Variants in GRID2 observed in about 807,000 individuals in gnomAD.
GRID2 encodes glutamate ionotropic receptor delta type subunit 2.
A neutral mutation model predicts 114.8 loss-of-function variants in GRID2; 33 were observed. That is an observed-to-expected ratio of 0.29 (90% CI 0.22 to 0.38). The LOEUF is 0.38. Ranked by LOEUF, GRID2 falls within the 10% of genes least tolerant of loss-of-function variation. The probability of loss-of-function intolerance (pLI) is 1.00; values close to 1 mark genes in which losing one functional copy is unlikely to be tolerated. For synonymous variants in GRID2, 505 were observed against 449.9 expected, an observed-to-expected ratio of 1.12 and a Z score of -1.55; for missense variants, 1,184 against 1,257.7, an observed-to-expected ratio of 0.94 and a Z score of 0.89.
At chr4:92,641,294 A>G (rs200081798) in intron 2 of GRID2, among the ~76,000 whole-genome samples, 1 of 80,850 alleles carries the variant, frequency 1.2e-5, no homozygotes, top group Non-Finnish European at 2.7e-5. Flanking sequence ...TTGTTACTTT[A>G]TTAAATTTAA....
intron 8 of GRID2, among the ~76,000 whole-genome samples, chr4:93,259,832 A>C (rs573358453): frequency 1.3e-5 from 2 of 151,894 alleles, no homozygotes; most frequent in African/African-American, 4.8e-5. Context: ...GAAGATGGCT[A>C]TACTTAATAT....
chr4:93,698,488 G>C (rs758332254), intron 14 of GRID2, among the ~76,000 whole-genome samples: 1 of 151,968 alleles, frequency 6.6e-6, no homozygotes, highest in Non-Finnish European at 1.5e-5. Context: ...ATTTCTATTC[G>C]TGAGAGTAGA....
At chr4:92,890,231 T>C (rs984450319) in intron 2 of GRID2, among the ~76,000 whole-genome samples, 2 of 152,040 alleles carry the variant, frequency 1.3e-5, no homozygotes, top group African/African-American at 4.8e-5. Context: ...CAAAAACATC[T>C]GAAGCAGTTG....
intron 1 of GRID2, among the ~76,000 whole-genome samples, chr4:92,537,725 T>C (rs995142333): frequency 1.3e-5 from 2 of 151,834 alleles, no homozygotes; most frequent in African/African-American, 4.8e-5. Context: ...TATTGCCCTT[T>C]TCAAAGACAT....
At chr4:92,483,249 A>C (rs1722703719) in intron 1 of GRID2, among the ~76,000 whole-genome samples, 1 of 152,090 alleles carries the variant, frequency 6.6e-6, no homozygotes, top group East Asian at 1.9e-4. Context: ...GAGGCAAGAG[A>C]ATCGCTTGAA....
chr4:93,632,419 T>C (rs1262405564), intron 14 of GRID2, among the ~76,000 whole-genome samples: 1 of 152,250 alleles, frequency 6.6e-6, no homozygotes, highest in Non-Finnish European at 1.5e-5. Context: ...GGATCCAGTT[T>C]CAGCTTTTTC....
rs534335329 is a variant in GRID2 at position 93,534,086 on chromosome 4, T to C, written c.2193+18675T>C. On this transcript the variant is annotated intron_variant, in intron 13 of 15. Coordinates refer to ENST00000282020, the MANE Select transcript of GRID2 (RefSeq NM_001510.4). ...CCTATCTTTCCTTCCCCTAGGTAGCTTCGTGACCTACTTTCTCACCATATT... is the reference window on the plus strand; with the variant it reads ...CCTATCTTTCCTTCCCCTAGGTAGCCTCGTGACCTACTTTCTCACCATATT... Among the ~76,000 whole-genome samples, 163 of 152,202 alleles carry C rather than the reference T, an allele frequency of 1.1e-3. 2 individuals are homozygous for C. In the South Asian group the frequency reaches 0.017, roughly 16 times the overall value.
At chr4:93,633,403 C>T (rs1721120137) in intron 14 of GRID2, among the ~76,000 whole-genome samples, 2 of 151,862 alleles carry the variant, frequency 1.3e-5, no homozygotes, top group African/African-American at 2.4e-5. Context: ...TACACTTTAC[C>T]TCTTGTTTCC....
At chr4:92,873,108 A>T (rs1343886390) in intron 2 of GRID2, among the ~76,000 whole-genome samples, 1 of 152,198 alleles carries the variant, frequency 6.6e-6, no homozygotes, top group Admixed American at 6.5e-5. Flanking sequence ...CAAATTTCAT[A>T]AAATGAAAAT....
chr4:92,991,922 T>C (rs1311405479), intron 2 of GRID2, among the ~76,000 whole-genome samples: 1 of 152,214 alleles, frequency 6.6e-6, no homozygotes, highest in Non-Finnish European at 1.5e-5. Flanking sequence ...TGAAGTTTTT[T>C]TAAATACAAA....
intron 2 of GRID2, among the ~76,000 whole-genome samples, chr4:92,856,958 T>G (rs1010725054): frequency 6.6e-6 from 1 of 152,190 alleles, no homozygotes; most frequent in Non-Finnish European, 1.5e-5. Flanking sequence ...TTGGTAGTTC[T>G]CAGAATATTT....
chr4:93,409,726 G>T (rs1766917951), intron 9 of GRID2, among the ~76,000 whole-genome samples: 2 of 152,180 alleles, frequency 1.3e-5, no homozygotes, highest in Admixed American at 1.3e-4. Context: ...TACTGATGGA[G>T]GCAGTCTAAA....
At chr4:92,536,078 T>C (rs1275028812) in intron 1 of GRID2, among the ~76,000 whole-genome samples, 1 of 152,144 alleles carries the variant, frequency 6.6e-6, no homozygotes, top group Non-Finnish European at 1.5e-5. Context: ...GAACAAAGCC[T>C]CCACAGCAAG....
chr4:93,427,328 A>G (rs1423752401), intron 10 of GRID2, among the ~76,000 whole-genome samples: 1 of 152,032 alleles, frequency 6.6e-6, no homozygotes, highest in African/African-American at 2.4e-5. Context: ...CCAGAAAAGC[A>G]AGCTTATTAT....
At chr4:92,880,475 G>A (rs1056767191) in intron 2 of GRID2, among the ~76,000 whole-genome samples, 5 of 151,856 alleles carry the variant, frequency 3.3e-5, no homozygotes, top group Non-Finnish European at 7.4e-5. Flanking sequence ...TGTCACAAAG[G>A]AAAAATAATG....
intron 2 of GRID2, among the ~76,000 whole-genome samples, chr4:92,816,318 C>CAAAAAAAAAAA (rs764487348): frequency 4.1e-5 from 2 of 48,252 alleles, no homozygotes; most frequent in East Asian, 7.2e-4. Context: ...TCTGTCTCAC[C>CAAAAAAAAAAA]AAAAAAAAAA....
chr4:93,090,142 T>C (rs1356543358), intron 3 of GRID2, among the ~76,000 whole-genome samples: 1 of 152,180 alleles, frequency 6.6e-6, no homozygotes, highest in Non-Finnish European at 1.5e-5. Context: ...CTAGTTAATC[T>C]GAATGGTGGG....
At chr4:92,524,592 C>A (rs111781182) in intron 1 of GRID2, among the ~76,000 whole-genome samples, 1,631 of 151,646 alleles carry the variant, frequency 0.011, 25 homozygotes, top group African/African-American at 0.038. Context: ...CATTGGACCT[C>A]CCCGAAAAAT....
At chr4:92,686,647 G>A (rs1733920747) in intron 2 of GRID2, among the ~76,000 whole-genome samples, 1 of 151,894 alleles carries the variant, frequency 6.6e-6, no homozygotes, top group African/African-American at 2.4e-5. Context: ...AAATATACCT[G>A]TTAATATTTG....
Sources: gnomAD v4.1 joint callset for allele counts (sites outside exome capture counted in the v4.1 genomes callset) on GRCh38, gnomAD v4.1.1 for gene constraint, MANE v1.5 for transcripts, NCBI Gene and HGNC (gene_info 2026-07-23, HGNC 2026-07-21) for gene names.